The following VPS41 variants were observed in gnomAD, a reference collection of about 807,000 sequenced individuals.
VPS41 encodes the protein VPS41 subunit of HOPS complex.
VPS41 carries 85 observed loss-of-function variants against 130.9 expected under a neutral mutation model. The observed-to-expected ratio is 0.65, with a 90% CI of 0.55 to 0.78. The LOEUF (loss-of-function observed/expected upper bound fraction) is 0.78, where lower values mean the gene tolerates loss of function less well. Ranked by LOEUF, VPS41 falls within the 30% of genes least tolerant of loss-of-function variation. The pLI is 0.00. For synonymous variants in VPS41, 335 were observed against 332.9 expected (o/e 1.01, Z -0.07); for missense variants, 874 against 1,018.7 (o/e 0.86, Z 1.93).
At chr7:38,891,353 C>T (rs1434091773) in intron 2 of VPS41, among the ~76,000 whole-genome samples, 1 of 152,134 alleles carries the variant, frequency 6.6e-6, no homozygotes, top group Non-Finnish European at 1.5e-5. Flanking sequence ...TTAAAAAGCA[C>T]ATGTCCCAGT....
intron 9 of VPS41, 31 bp from the exon 10 acceptor site, chr7:38,789,898 C>T: frequency 6.2e-7 from 1 of 1,609,944 alleles, no homozygotes; most frequent in Non-Finnish European, 8.5e-7. Context: ...TTATTTTATT[C>T]ATTTGATGGA....
At chr7:38,874,292 C>A (rs1336855222) in intron 2 of VPS41, among the ~76,000 whole-genome samples, 2 of 152,136 alleles carry the variant, frequency 1.3e-5, no homozygotes, top group Admixed American at 1.3e-4. Flanking sequence ...TTACACAGAA[C>A]TTAAAATGTC....
chr7:38,826,317 A>T (rs1252630779), intron 5 of VPS41, among the ~76,000 whole-genome samples: 1 of 152,232 alleles, frequency 6.6e-6, no homozygotes, highest in Non-Finnish European at 1.5e-5. Context: ...TCTGGAATGG[A>T]TAAACAAATC....
intron 2 of VPS41, among the ~76,000 whole-genome samples, chr7:38,897,514 G>A (rs994900188): frequency 4.6e-5 from 7 of 151,992 alleles, no homozygotes; most frequent in Admixed American, 2.0e-4. Context: ...GCGTGGCGGC[G>A]GGCGCCTGTA....
chr7:38,868,114 A>C (rs1786267375), intron 3 of VPS41, among the ~76,000 whole-genome samples: 1 of 152,146 alleles, frequency 6.6e-6, no homozygotes, highest in Non-Finnish European at 1.5e-5. Context: ...TGGCCTTATC[A>C]ATGGGGAGAT....
At position 38,741,103 on chromosome 7, in the gene VPS41, C is replaced by G. The variant is rs560913305; in HGVS notation, c.2259+882G>C. 7.9e-5 allele frequency among the ~76,000 whole-genome samples: 12 copies of G among 152,302 alleles called. No individual in the cohort carries two copies. The South Asian group carries it at 2.3e-3, about 29-fold the overall frequency. On this transcript the variant is annotated intron_variant, in intron 25 of 28. Coordinates refer to ENST00000310301, the MANE Select transcript of VPS41 (RefSeq NM_014396.4). ...CTAAGGCTGTCACCCTGAGTGCAGGCAGACCTCTACTTTGCAACCTGCATG... is the reference window on the plus strand; with the variant it reads ...CTAAGGCTGTCACCCTGAGTGCAGGGAGACCTCTACTTTGCAACCTGCATG...
intron 22 of VPS41, among the ~76,000 whole-genome samples, chr7:38,749,759 T>G (rs1796055263): frequency 6.6e-6 from 1 of 152,236 alleles, no homozygotes; most frequent in Non-Finnish European, 1.5e-5. Flanking sequence ...GAAATCCACT[T>G]TGTCATTCGC....
chr7:38,879,500 GA>G lies in VPS41; in HGVS notation c.61-10248del, dbSNP rs919465288. Among the ~76,000 whole-genome samples the G allele has an allele frequency of 2.8e-3, 410 of 146,816 alleles. 4 individuals are homozygous for G. Among genetic ancestry groups the G allele is most frequent in the East Asian group, 0.017 (87 of 5,064 alleles). On this transcript the variant is annotated intron_variant, in intron 2 of 28. Transcript: ENST00000310301. ...TTTTGGAGGAAGTATTCAAATAACAGAAAAAAAAAAATCCAGAAGCTGCTGT... is the reference window on the plus strand; with the variant it reads ...TTTTGGAGGAAGTATTCAAATAACAGAAAAAAAAAATCCAGAAGCTGCTGT...
rs1263642047 is a variant in VPS41 at position 38,795,562 on chromosome 7, G to C, written c.620C>G (p.Pro207Arg). 6.2e-7 allele frequency: 1 copy of C among 1,613,010 alleles called. No individual in the cohort carries two copies. Among genetic ancestry groups the C allele is most frequent in the Non-Finnish European group, 8.5e-7 (1 of 1,179,338 alleles). The change falls in exon 9 of 29, where the codon CCC (proline) becomes CGC (arginine). Residue 207 changes from proline to arginine, a missense_variant. Coordinates refer to ENST00000310301, the MANE Select transcript of VPS41 (RefSeq NM_014396.4). ...TGGGCGAAGACTTATATCATCCCGG[G>C]GCACATTGGTGATTCTTTGCTTTGA... ...IISKQRITNV[P>R]RDDISLRPDM...
chr7:38,840,522 G>GA (rs1785588555), intron 4 of VPS41, among the ~76,000 whole-genome samples: 1 of 151,736 alleles, frequency 6.6e-6, no homozygotes, highest in Non-Finnish European at 1.5e-5. Flanking sequence ...AATCCTACAA[G>GA]AAAAAATAAT....
intron 4 of VPS41, among the ~76,000 whole-genome samples, chr7:38,835,334 T>C (rs563997134): frequency 2.6e-5 from 4 of 152,140 alleles, no homozygotes; most frequent in Admixed American, 6.5e-5. Flanking sequence ...GACATTAATA[T>C]ACTGCCTAAT....
intron 27 of VPS41, chr7:38,728,288 G>C: frequency 1.5e-6 from 1 of 645,494 alleles, no homozygotes; most frequent in Non-Finnish European, 2.8e-6. Flanking sequence ...TAGGGAGTCT[G>C]ACTGGGTCAG....
At chr7:38,771,941 C>A (rs1303725546) in intron 13 of VPS41, among the ~76,000 whole-genome samples, 1 of 151,868 alleles carries the variant, frequency 6.6e-6, no homozygotes, top group Non-Finnish European at 1.5e-5. Flanking sequence ...AAACTTAGTA[C>A]AACAAATACG....
intron 7 of VPS41, among the ~76,000 whole-genome samples, chr7:38,799,644 T>C (rs555110526): frequency 1.3e-5 from 2 of 152,196 alleles, no homozygotes; most frequent in Admixed American, 6.5e-5. Context: ...AATTAACCTA[T>C]AATTTTAATG....
chr7:38,830,460 C>A, intron 4 of VPS41, 132 bp from the exon 5 acceptor site: 1 of 712,976 alleles, frequency 1.4e-6, no homozygotes, highest in South Asian at 1.6e-5. Flanking sequence ...AACTATCTTA[C>A]ACAAAGCACA....
intron 2 of VPS41, among the ~76,000 whole-genome samples, chr7:38,897,644 CAAA>C (rs11355680): frequency 1.0e-4 from 10 of 97,760 alleles, no homozygotes; most frequent in Admixed American, 2.0e-4. Flanking sequence ...GACTCCGTCT[CAAA>C]AAAAAAAAAA....
At chr7:38,749,969 C>T (rs1472609203) in intron 22 of VPS41, among the ~76,000 whole-genome samples, 1 of 151,660 alleles carries the variant, frequency 6.6e-6, no homozygotes, top group African/African-American at 2.4e-5. Context: ...CTCAAGACTT[C>T]CTCCTCCCTC....
chr7:38,778,955 T>C (rs1784309842), intron 10 of VPS41, among the ~76,000 whole-genome samples: 1 of 152,188 alleles, frequency 6.6e-6, no homozygotes, highest in African/African-American at 2.4e-5. Context: ...CTCCTCTACA[T>C]GCCAACTCCC....
intron 2 of VPS41, among the ~76,000 whole-genome samples, chr7:38,892,111 G>GT (rs1194840769): frequency 6.6e-6 from 1 of 151,636 alleles, no homozygotes; most frequent in Non-Finnish European, 1.5e-5. Flanking sequence ...ATCGAAATCT[G>GT]TAATATTACC....
Sources: gnomAD v4.1 joint callset for allele counts (sites outside exome capture counted in the v4.1 genomes callset) on GRCh38, gnomAD v4.1.1 for gene constraint, MANE v1.5 for transcripts, NCBI Gene and HGNC (gene_info 2026-07-23, HGNC 2026-07-21) for gene names.